Variants in TTC17 observed in about 807,000 individuals in gnomAD.
The protein encoded by TTC17 is tetratricopeptide repeat domain 17.
A neutral mutation model predicts 143.8 loss-of-function variants in TTC17; 58 were observed. The ratio of observed to expected loss-of-function variants is 0.40; its 90% CI spans 0.33 to 0.50. TTC17 has a LOEUF of 0.50. Ranked by LOEUF, TTC17 falls within the 20% of genes least tolerant of loss-of-function variation. The pLI is 0.49. For missense variants in TTC17, 1,273 were observed against 1,392.5 expected (o/e 0.91, Z 1.37); for synonymous variants, 501 against 497.8 (o/e 1.01, Z -0.09).
In TTC17 at chr11:43,446,622, T is replaced by C. The variant is rs1383539881; in HGVS notation, c.2666-1380T>C. The C allele has an allele frequency of 7.2e-6, 7 of 972,120 alleles. No individual in the cohort carries two copies. In the African/African-American group the frequency reaches 1.2e-4, roughly 17 times the overall value. The allele number at this position is 972,120 out of a possible 1,614,324, so 60.2% of individuals were successfully genotyped here. A position where few individuals can be genotyped will look rare whatever the true frequency, so the allele number is the denominator to read the frequency against. ...TTGAAACTCTTCCAAAACTGTTCCT[T>C]TCTGTTTTGTTAAAATCTCAATCTA... On this transcript the variant is annotated intron_variant, in intron 18 of 23. Transcript: ENST00000039989.
chr11:43,481,022 G>A (rs1948276699), intron 21 of TTC17, among the ~76,000 whole-genome samples: 1 of 147,794 alleles, frequency 6.8e-6, no homozygotes, highest in African/African-American at 2.5e-5. Flanking sequence ...CAAAAAAGTT[G>A]GAAAAGAAAT....
intron 8 of TTC17, 59 bp downstream of exon 8, chr11:43,398,172 T>C (rs776124691): frequency 2.5e-5 from 39 of 1,589,700 alleles, no homozygotes; most frequent in Non-Finnish European, 3.2e-5. Context: ...AGGTTAAATC[T>C]GTGTAGGGGA....
At chr11:43,409,278 C>G (rs949813279) in intron 15 of TTC17, among the ~76,000 whole-genome samples, 3 of 152,244 alleles carry the variant, frequency 2.0e-5, no homozygotes, top group South Asian at 2.1e-4. Context: ...GCTAACAGTA[C>G]TTAGCTATTA....
At chr11:43,484,916 A>G (rs1948354315) in intron 21 of TTC17, among the ~76,000 whole-genome samples, 1 of 151,992 alleles carries the variant, frequency 6.6e-6, no homozygotes, top group Non-Finnish European at 1.5e-5. Flanking sequence ...CCTGAGCTGT[A>G]CATGCGAGGG....
At chr11:43,465,310 A>G (rs1266188689) in intron 21 of TTC17, among the ~76,000 whole-genome samples, 1 of 152,238 alleles carries the variant, frequency 6.6e-6, no homozygotes, top group African/African-American at 2.4e-5. Context: ...CACAATGTCA[A>G]GCTTTTAGTA....
At chr11:43,361,368 G>A (rs1013795337) in intron 1 of TTC17, among the ~76,000 whole-genome samples, 2 of 152,192 alleles carry the variant, frequency 1.3e-5, no homozygotes, top group Non-Finnish European at 2.9e-5. Context: ...TTATGAAGGG[G>A]TTATGTGCTG....
In TTC17 at chr11:43,443,503, G is replaced by A. The variant is rs376589348; in HGVS notation, c.2430G>A (p.Leu810=). ...RRLDLQGIRV[L]KKGPQDGVAR... is the part of the protein sequence containing the mutation. ...TAGACTTACAAGGAATACGGGTGCT[G>A]AAGAAAGGTCCCCAGGATGGAGTGG... The change falls in exon 17 of 24, where the codon CTG becomes CTA. Residue 810 remains leucine, a synonymous_variant. Coordinates refer to ENST00000039989, the MANE Select transcript of TTC17 (RefSeq NM_018259.6). The A allele has an allele frequency of 1.4e-5, 22 of 1,614,056 alleles. No individual in the cohort carries two copies. Among genetic ancestry groups the A allele is most frequent in the Non-Finnish European group, 1.8e-5 (21 of 1,180,022 alleles).
chr11:43,442,165 C>T (rs781337563), intron 16 of TTC17, among the ~76,000 whole-genome samples: 9 of 152,168 alleles, frequency 5.9e-5, no homozygotes, highest in African/African-American at 1.7e-4. Flanking sequence ...TGTCTCTAAA[C>T]ATATTTAAAT....
At chr11:43,359,295 G>A in intron 1 of TTC17, 182 bp downstream of exon 1, 4 of 727,324 alleles carry the variant, frequency 5.5e-6, no homozygotes, top group Non-Finnish European at 4.2e-6. Flanking sequence ...CTCCCCACTT[G>A]TCTCCTGGTC....
chr11:43,437,275 CCAGT>C (rs1227402613), intron 16 of TTC17, among the ~76,000 whole-genome samples: 1 of 152,266 alleles, frequency 6.6e-6, no homozygotes, highest in East Asian at 1.9e-4. Context: ...ACCACTGTAT[CCAGT>C]CAGTCTCTCA....
intron 16 of TTC17, among the ~76,000 whole-genome samples, chr11:43,430,826 G>A (rs1161352846): frequency 6.6e-6 from 1 of 151,530 alleles, no homozygotes; most frequent in Non-Finnish European, 1.5e-5. Context: ...TGGGATACAT[G>A]TGCAGAACAT....
intron 1 of TTC17, among the ~76,000 whole-genome samples, chr11:43,367,268 C>T (rs1856380927): frequency 6.6e-6 from 1 of 152,166 alleles, no homozygotes; most frequent in South Asian, 2.1e-4. Flanking sequence ...GAGATCATTC[C>T]TGCTTACCTA....
In TTC17 at chr11:43,398,305, T is replaced by C. The variant is rs116931525; in HGVS notation, c.1058+192T>C. On this transcript the variant is annotated intron_variant, in intron 8 of 23. Coordinates refer to ENST00000039989, the MANE Select transcript of TTC17 (RefSeq NM_018259.6). ...CAGTGGTTGTGTAGAGGAATATCTT[T>C]AATTGTATGGATTCCTGCAACTAGA... is the stretch of plus-strand genomic sequence containing the variant. 2.1e-3 allele frequency among the ~76,000 whole-genome samples: 319 copies of C among 152,312 alleles called. 2 individuals are homozygous for C. The East Asian group carries it at 0.025, about 12-fold the overall frequency.
intron 13 of TTC17, among the ~76,000 whole-genome samples, chr11:43,406,555 A>G (rs956117280): frequency 6.7e-6 from 1 of 150,300 alleles, no homozygotes; most frequent in East Asian, 1.9e-4. Flanking sequence ...ATCACAGACC[A>G]TCACAACCAC....
At chr11:43,366,505 C>CA (rs11284058) in intron 1 of TTC17, among the ~76,000 whole-genome samples, 23,983 of 121,758 alleles carry the variant, frequency 0.2, 2,536 homozygotes, top group Non-Finnish European at 0.28. Context: ...GACTCTGCCT[C>CA]AAAAAAAAAA....
chr11:43,412,960 C>T (rs189397934), intron 15 of TTC17, among the ~76,000 whole-genome samples: 1 of 148,116 alleles, frequency 6.8e-6, no homozygotes, highest in East Asian at 2.0e-4. Context: ...CTAATATCTA[C>T]ATAGAACTGG....
chr11:43,442,241 A>C (rs1335744864), intron 16 of TTC17, among the ~76,000 whole-genome samples: 2 of 152,354 alleles, frequency 1.3e-5, no homozygotes, highest in Admixed American at 6.5e-5. Context: ...TATGCAGTTC[A>C]TCATTGACCA....
At chr11:43,372,116 T>A (rs532855410) in intron 1 of TTC17, among the ~76,000 whole-genome samples, 17 of 152,232 alleles carry the variant, frequency 1.1e-4, no homozygotes, top group Admixed American at 9.2e-4. Context: ...CACCCTTTTT[T>A]CTGCATTCCT....
intron 4 of TTC17, 38 bp from the exon 5 acceptor site, chr11:43,391,783 C>T: frequency 6.2e-7 from 1 of 1,601,320 alleles, no homozygotes; most frequent in Non-Finnish European, 8.5e-7. Context: ...TCTTTTATAT[C>T]CTTTGATATG....
Sources: allele counts gnomAD v4.1 joint callset (sites outside exome capture counted in the v4.1 genomes callset), GRCh38; gene constraint gnomAD v4.1.1; transcripts MANE v1.5; gene names NCBI Gene and HGNC (gene_info 2026-07-23, HGNC 2026-07-21).